The following MPHOSPH9 variants were observed in gnomAD, a reference collection of about 807,000 sequenced individuals.
MPHOSPH9 encodes M-phase phosphoprotein 9.
A neutral mutation model predicts 145.5 loss-of-function variants in MPHOSPH9; 88 were observed. The ratio of observed to expected loss-of-function variants is 0.60; its 90% CI spans 0.51 to 0.72. The LOEUF is 0.72. Among genes scored for constraint, MPHOSPH9 ranks in the 30% least tolerant of loss-of-function variants. The probability of loss-of-function intolerance (pLI) is 0.00; values close to 1 mark genes in which losing one functional copy is unlikely to be tolerated. For synonymous variants in MPHOSPH9, 435 were observed against 486.2 expected (o/e 0.89, Z 1.39); for missense variants, 1,238 against 1,386.6 (o/e 0.89, Z 1.70).
At chr12:123,226,640 A>G (rs2047447800) in intron 3 of MPHOSPH9, among the ~76,000 whole-genome samples, 1 of 150,810 alleles carries the variant, frequency 6.6e-6, no homozygotes, top group South Asian at 2.1e-4. Context: ...TTTTTTATAT[A>G]TAGAGAGAGA....
intron 16 of MPHOSPH9, among the ~76,000 whole-genome samples, chr12:123,167,437 A>G (rs2044366164): frequency 6.6e-6 from 1 of 152,196 alleles, no homozygotes; most frequent in African/African-American, 2.4e-5. Context: ...TCCAGATAAT[A>G]AGCTGCTTGT....
rs147637276 is a variant in MPHOSPH9 at position 123,224,110 on chromosome 12, T to TTATATA, written c.259-989_259-984dup. 5.9e-4 allele frequency among the ~76,000 whole-genome samples: 71 copies of TTATATA among 120,410 alleles called. 1 individual carries two copies. Among genetic ancestry groups the TTATATA allele is most frequent in the Middle Eastern group, 4.4e-3 (1 of 228 alleles). 79.0% of individuals were successfully genotyped at this position (120,410 alleles called of 152,430 possible). A position where few individuals can be genotyped will look rare whatever the true frequency, so the allele number is the denominator to read the frequency against. On this transcript the variant is annotated intron_variant, in intron 3 of 23. Transcript: ENST00000606320. ...TCACCATGTTCGGCTAATTGCTAATTTATATATATATATATACACATTTTT... is the reference window on the plus strand; with the variant it reads ...TCACCATGTTCGGCTAATTGCTAATTTATATATATATATATATATATACACATTTTT...
intron 1 of MPHOSPH9, chr12:123,232,778 GC>G (rs1252184514): frequency 6.6e-6 from 1 of 151,998 alleles, no homozygotes; most frequent in Non-Finnish European, 1.5e-5. Context: ...GGGCACCTTG[GC>G]AAAAAATGGG....
In MPHOSPH9 at chr12:123,165,578, A is replaced by G. The variant is rs949295119; in HGVS notation, c.2592-101T>C. 5 of 1,101,114 alleles carry G rather than the reference A, an allele frequency of 4.5e-6. No homozygotes were observed. In the African/African-American group the frequency reaches 6.3e-5, roughly 14 times the overall value. The allele number at this position is 1,101,114 out of a possible 1,614,324, so 68.2% of individuals were successfully genotyped here. A position where few individuals can be genotyped will look rare whatever the true frequency, so the allele number is the denominator to read the frequency against. Reference sequence around the variant, plus strand: ...ATACATGTTGAAGCCCTAATCTTCAATGTGATGGTGTGTGGAGGTGGGGTC... The same window carrying G: ...ATACATGTTGAAGCCCTAATCTTCAGTGTGATGGTGTGTGGAGGTGGGGTC... On this transcript the variant is annotated intron_variant, in intron 17 of 23. Transcript: ENST00000606320.
intron 16 of MPHOSPH9, among the ~76,000 whole-genome samples, chr12:123,174,390 T>G (rs1317858757): frequency 6.6e-6 from 1 of 151,474 alleles, no homozygotes; most frequent in Admixed American, 6.6e-5. Context: ...TTTTTTTTTT[T>G]GAGACGGAGT....
intron 1 of MPHOSPH9, among the ~76,000 whole-genome samples, chr12:123,242,544 A>G (rs1272927412): frequency 6.6e-6 from 1 of 152,168 alleles, no homozygotes; most frequent in Non-Finnish European, 1.5e-5. Context: ...TCATTGGAGT[A>G]GGGCCAAAGC....
chr12:123,224,059 C>G (rs1328405609), intron 3 of MPHOSPH9, among the ~76,000 whole-genome samples: 1 of 150,136 alleles, frequency 6.7e-6, no homozygotes, highest in South Asian at 2.1e-4. Flanking sequence ...CTCAGCCTCC[C>G]AAGTAGCTGA....
At chr12:123,199,800 AAAAG>A (rs1311627964) in intron 11 of MPHOSPH9, among the ~76,000 whole-genome samples, 6 of 152,072 alleles carry the variant, frequency 3.9e-5, no homozygotes, top group East Asian at 1.9e-4. Flanking sequence ...AAAAAAAAAA[AAAAG>A]AAAGAAAGAA....
chr12:123,160,864 A>G lies in MPHOSPH9; in HGVS notation c.3382-15T>C. ...GCTGCCTCAATCTGTTAACACACGA[A>G]AAAAATATGTTTAAATTACTGGCAG... On this transcript the variant is annotated splice_polypyrimidine_tract_variant and intron_variant, in intron 22 of 23. Transcript: ENST00000606320. 1 of 1,612,210 alleles carries G rather than the reference A, an allele frequency of 6.2e-7. No homozygotes were observed.
At chr12:123,226,280 ATAAT>A in intron 3 of MPHOSPH9, 2 of 1,024,752 alleles carry the variant, frequency 2.0e-6, no homozygotes, top group Non-Finnish European at 1.2e-6. Flanking sequence ...ATGGATATAA[ATAAT>A]TACACTTAGC....
intron 8 of MPHOSPH9, 95 bp from the exon 9 acceptor site, chr12:123,203,470 T>G: frequency 8.7e-7 from 1 of 1,145,090 alleles, no homozygotes; most frequent in Non-Finnish European, 1.2e-6. Flanking sequence ...TTGAAAGACT[T>G]TAAGCAAATT....
chr12:123,237,041 C>T (rs1395994214), upstream of MPHOSPH9, among the ~76,000 whole-genome samples: 6 of 151,712 alleles, frequency 4.0e-5, no homozygotes, highest in African/African-American at 1.5e-4. Context: ...GCTGAGATTG[C>T]GCCACTGCAG....
intron 13 of MPHOSPH9, among the ~76,000 whole-genome samples, chr12:123,192,628 CAAAAAAAAAAAAAAAA>C (rs55831766): frequency 2.4e-4 from 12 of 49,378 alleles, no homozygotes; most frequent in Non-Finnish European, 1.1e-4. Flanking sequence ...GACACCGTCT[CAAAAAAAAAAAAAAAA>C]AAAAAAAAAA....
At position 123,175,489 on chromosome 12, in the gene MPHOSPH9, A is replaced by G. The variant is rs371658530; in HGVS notation, c.2456+1199T>C. Among the ~76,000 whole-genome samples, 50 of 152,128 alleles carry G rather than the reference A, an allele frequency of 3.3e-4. No individual in the cohort carries two copies. In the East Asian group the frequency reaches 6.4e-3, roughly 19 times the overall value. Reference sequence around the variant, plus strand: ...CTTGATCACGGCTTAGAAAGCTATAAATGGTCAATCTCTGATTTCATCTAG... The same window carrying G: ...CTTGATCACGGCTTAGAAAGCTATAGATGGTCAATCTCTGATTTCATCTAG... On this transcript the variant is annotated intron_variant, in intron 16 of 23. Coordinates refer to ENST00000606320, the MANE Select transcript of MPHOSPH9 (RefSeq NM_022782.4).
chr12:123,221,933 T>C, intron 4 of MPHOSPH9, 38 bp from the exon 5 acceptor site: 1 of 1,069,436 alleles, frequency 9.4e-7, no homozygotes, highest in Non-Finnish European at 1.3e-6. Flanking sequence ...TAAGAAAGTA[T>C]ATTAAACATC....
upstream of MPHOSPH9, among the ~76,000 whole-genome samples, chr12:123,237,967 C>T (rs1213643057): frequency 6.6e-6 from 1 of 151,750 alleles, no homozygotes; most frequent in East Asian, 1.9e-4. Flanking sequence ...GTGACCTCAG[C>T]CCACTGCAAC....
chr12:123,206,695 C>T (rs2046451716), intron 8 of MPHOSPH9, among the ~76,000 whole-genome samples: 1 of 151,626 alleles, frequency 6.6e-6, no homozygotes, highest in Non-Finnish European at 1.5e-5. Flanking sequence ...AGGTGGGTCA[C>T]AAGGTCAGGA....
intron 8 of MPHOSPH9, among the ~76,000 whole-genome samples, chr12:123,203,947 A>G (rs1223269350): frequency 6.6e-6 from 1 of 152,042 alleles, no homozygotes; most frequent in East Asian, 1.9e-4. Context: ...TTAGCTTCCC[A>G]AAGTGCTGGG....
intron 23 of MPHOSPH9, among the ~76,000 whole-genome samples, chr12:123,158,354 G>A (rs758813110): frequency 6.6e-6 from 1 of 152,168 alleles, no homozygotes; most frequent in Non-Finnish European, 1.5e-5. Context: ...TGTAATCCCA[G>A]CACTTTGGGA....
Sources: allele counts gnomAD v4.1 joint callset (sites outside exome capture counted in the v4.1 genomes callset), GRCh38; gene constraint gnomAD v4.1.1; transcripts MANE v1.5; gene names NCBI Gene and HGNC (gene_info 2026-07-23, HGNC 2026-07-21).